The following COL12A1 variants were observed in gnomAD, a reference collection of about 807,000 sequenced individuals.
COL12A1 encodes the protein collagen alpha-1(XII) chain.
In COL12A1, 114 loss-of-function variants were observed where a neutral mutation model predicts 349.7. That is an observed-to-expected ratio of 0.33 (90% confidence interval 0.28 to 0.38). COL12A1 has a LOEUF of 0.38. Among genes scored for constraint, COL12A1 ranks in the 10% least tolerant of loss-of-function variants. The pLI is 1.00. For synonymous variants in COL12A1, 1,369 were observed against 1,329.0 expected (o/e 1.03, Z -0.66); for missense variants, 3,284 against 3,756.9 (o/e 0.87, Z 3.29).
At chr6:75,159,549 T>A (rs1433543529) in intron 14 of COL12A1, among the ~76,000 whole-genome samples, 12 of 150,908 alleles carry the variant, frequency 8.0e-5, no homozygotes, top group Admixed American at 7.9e-4. Context: ...AGAAAAATAA[T>A]CTATTTGGAT....
chr6:75,194,878 G>T lies in COL12A1; in HGVS notation c.143C>A (p.Pro48Gln). Residue 48 changes from proline (P) to glutamine (Q), a missense_variant, in exon 3 of 66, where the codon CCA becomes CAA. By Grantham distance (76) the Pro-to-Gln change is moderately conservative (BLOSUM62 -1). This residue lies in a region of COL12A1 where 2,601 missense variants were observed against 2,824.8 expected (regional missense o/e 0.92). Coordinates refer to ENST00000322507, the MANE Select transcript of COL12A1 (RefSeq NM_004370.6). ...ENTVHMSWAK[P>Q]VDPIVGYRIT... ...TCTGTAACCCACAATTGGATCAACT[G>T]GTTTTGCCCATGACATATGAACAGT... The T allele has an allele frequency of 1.2e-6, 2 of 1,612,170 alleles. No homozygotes were observed. Among genetic ancestry groups the T allele is most frequent in the Non-Finnish European group, 1.7e-6 (2 of 1,179,016 alleles).
chr6:75,158,267 G>T (rs1767856598), intron 14 of COL12A1, among the ~76,000 whole-genome samples: 1 of 152,178 alleles, frequency 6.6e-6, no homozygotes. Context: ...GCCTTAATCT[G>T]ATAGGCTTGG....
At position 75,113,678 on chromosome 6, in the gene COL12A1, TTC is replaced by T; in HGVS notation, c.7762_7763del (p.Glu2588AsnfsTer4). The T allele has an allele frequency of 6.2e-7, 1 of 1,606,730 alleles. No individual in the cohort carries two copies. ...AAATTGCAAAAGGGTCACTGGGAGT[TTC>T]TGGGAGAAGTCTGAATAATAATATA... ...TIILLFRLLP[E>X]TPSDPFAIWQ... On this transcript the variant is annotated frameshift_variant, in exon 50 of 66. Transcript: ENST00000322507. LOFTEE classifies it high-confidence loss of function.
rs370090007 is a variant in COL12A1, at chr6:75,087,648, G to A, written c.9110C>T (p.Pro3037Leu). 6.9e-5 allele frequency: 112 copies of A among 1,611,870 alleles called. No homozygotes were observed. Among genetic ancestry groups the A allele is most frequent in the Non-Finnish European group, 8.9e-5 (105 of 1,179,298 alleles). Residue 3037 changes from proline to leucine, a missense_variant, in exon 65 of 66, where the codon CCC becomes CTC. By Grantham distance (98) the Pro-to-Leu change is moderately conservative. Coordinates refer to ENST00000322507, the MANE Select transcript of COL12A1 (RefSeq NM_004370.6). ...ATCACAGTATCCAGGAGGACCTGGG[G>A]GTCCTCGGATACCTGAGTTTCCAGG... ...GRPGNSGIRG[P>L]PGPPGYCDSS...
chr6:75,133,551 AAGCCCCCACATGACCTG>A, intron 33 of COL12A1, 129 bp from the exon 34 acceptor site: 1 of 934,794 alleles, frequency 1.1e-6, no homozygotes, highest in Non-Finnish European at 1.6e-6. Flanking sequence ...ATGTCATAAT[AAGCCCCCACATGACCTG>A]TTACAAGAGG....
chr6:75,163,213 G>A (rs561137939), intron 14 of COL12A1, among the ~76,000 whole-genome samples: 5 of 152,220 alleles, frequency 3.3e-5, no homozygotes, highest in South Asian at 2.1e-4. Flanking sequence ...ACAAGCACAC[G>A]TATGTTTATT....
intron 32 of COL12A1, 48 bp downstream of exon 32, chr6:75,134,678 T>G: frequency 6.7e-7 from 1 of 1,488,988 alleles, no homozygotes; most frequent in Non-Finnish European, 9.0e-7. Context: ...ATGATTCCAT[T>G]CTAATAGTAG....
In COL12A1 at chr6:75,138,848, G is replaced by C. The variant is rs1461924145; in HGVS notation, c.5071C>G (p.Pro1691Ala). 6.2e-7 allele frequency: 1 copy of C among 1,613,994 alleles called. No individual in the cohort carries two copies. The highest frequency in any genetic ancestry group is 1.3e-5 in the African/African-American group (1 of 75,020). ...DVSLYRITWAPFGSSDKMETI... is the reference protein window; with the variant it reads ...DVSLYRITWAAFGSSDKMETI... Reference sequence around the variant, plus strand: ...TCCATCTTATCTGAGCTTCCAAAAGGTGCCCAAGTTATTCTGTAGAGAGAC... The same window carrying C: ...TCCATCTTATCTGAGCTTCCAAAAGCTGCCCAAGTTATTCTGTAGAGAGAC... Residue 1691 changes from proline (P) to alanine (A), a missense_variant, in exon 28 of 66, where the codon CCT becomes GCT. Coordinates refer to ENST00000322507, the MANE Select transcript of COL12A1 (RefSeq NM_004370.6).
intron 2 of COL12A1, among the ~76,000 whole-genome samples, chr6:75,197,799 T>G (rs368173108): frequency 2.6e-5 from 4 of 152,262 alleles, no homozygotes; most frequent in Non-Finnish European, 5.9e-5. Context: ...TTTATTCTTA[T>G]AGTTTAATTT....
Position 75,115,758 on chromosome 6 carries a change from G to A in COL12A1, c.7697+26C>T, listed in dbSNP as rs532715284. 41 of 1,570,318 alleles carry A rather than the reference G, an allele frequency of 2.6e-5. No individual in the cohort carries two copies. In the Middle Eastern group the frequency reaches 5.3e-4, roughly 20 times the overall value. ...GAACTTTTTGCAGGTCTTAAGAAAA[G>A]GAAAACCTCCTGTTGTCACACTTAC... On this transcript the variant is annotated intron_variant, in intron 49 of 65. Coordinates refer to ENST00000322507, the MANE Select transcript of COL12A1 (RefSeq NM_004370.6).
At position 75,105,876 on chromosome 6, in the gene COL12A1, G is replaced by T. The variant is rs375884531; in HGVS notation, c.8178+543C>A. ...ACAAGCACACAGATTGGTGCCTAGC[G>T]TATAATAGGTGCTCAATAAATATTT... On this transcript the variant is annotated intron_variant, in intron 53 of 65. Transcript: ENST00000322507. Among the ~76,000 whole-genome samples the T allele has an allele frequency of 3.3e-5, 5 of 152,190 alleles. No individual in the cohort carries two copies. The South Asian group carries it at 1.0e-3, about 32-fold the overall frequency.
intron 16 of COL12A1, 56 bp from the exon 17 acceptor site, chr6:75,154,593 A>AC (rs1030836407): frequency 9.5e-5 from 143 of 1,512,434 alleles, no homozygotes; most frequent in Non-Finnish European, 1.3e-4. Context: ...AAGTGGTAGC[A>AC]CTTTTTTTTT....
chr6:75,201,762 G>C (rs911890570), intron 2 of COL12A1, among the ~76,000 whole-genome samples: 1 of 152,214 alleles, frequency 6.6e-6, no homozygotes, highest in African/African-American at 2.4e-5. Context: ...GAAATGGCTT[G>C]TTTAATGAAC....
At chr6:75,185,970 G>A (rs1769593645) in intron 8 of COL12A1, among the ~76,000 whole-genome samples, 1 of 152,120 alleles carries the variant, frequency 6.6e-6, no homozygotes, top group African/African-American at 2.4e-5. Context: ...ATTAACTCAA[G>A]ATGGATTACA....
At chr6:75,102,162 G>T in intron 56 of COL12A1, 110 bp from the exon 57 acceptor site, 1 of 1,094,822 alleles carries the variant, frequency 9.1e-7, no homozygotes, top group Non-Finnish European at 1.4e-6. Context: ...TCCAGTGTAA[G>T]CGTTCAGAAT....
chr6:75,134,782 A>G lies in COL12A1; in HGVS notation c.5468T>C (p.Val1823Ala). The G allele has an allele frequency of 1.9e-6, 3 of 1,613,320 alleles. No individual in the cohort carries two copies. The highest frequency in any genetic ancestry group is 2.5e-6 in the Non-Finnish European group (3 of 1,179,460). The change falls in exon 32 of 66, where the codon GTA becomes GCA. Residue 1823 changes from valine to alanine, a missense_variant. Val to Ala is a moderately conservative substitution (Grantham distance 64). This residue lies in a region of COL12A1 where 2,601 missense variants were observed against 2,824.8 expected (regional missense o/e 0.92). Transcript: ENST00000322507. ...TTCACCATCAGGATACAGAGAGGAT[A>G]CGGTGATAGTGTAAGGAGTGTCTGG... ...LKPDTPYTIT[V>A]SSLYPDGEGG...
At chr6:75,152,555 A>G in intron 17 of COL12A1, 73 bp from the exon 18 acceptor site, 1 of 1,548,540 alleles carries the variant, frequency 6.5e-7, no homozygotes. Context: ...TCACACCTCT[A>G]CCACTCCCTG....
intron 43 of COL12A1, among the ~76,000 whole-genome samples, chr6:75,122,692 T>C (rs1333235928): frequency 6.6e-6 from 1 of 152,160 alleles, no homozygotes; most frequent in East Asian, 1.9e-4. Flanking sequence ...TAAGATAAAA[T>C]AAAAATATCT....
chr6:75,102,343 G>T (rs1442839211), intron 56 of COL12A1, among the ~76,000 whole-genome samples: 2 of 152,120 alleles, frequency 1.3e-5, no homozygotes, highest in Non-Finnish European at 2.9e-5. Context: ...TAACATAGGG[G>T]ATATCTACTT....
Sources: allele counts gnomAD v4.1 joint callset (sites outside exome capture counted in the v4.1 genomes callset), GRCh38; gene constraint gnomAD v4.1.1; regional missense constraint gnomAD v4.1.1; transcripts MANE v1.5; gene names NCBI Gene and HGNC (gene_info 2026-07-23, HGNC 2026-07-21).